The following DNASE1 variants were observed in gnomAD, a reference collection of about 807,000 sequenced individuals.
The protein encoded by DNASE1 is deoxyribonuclease-1.
Under a neutral mutation model 33.9 loss-of-function variants are expected in DNASE1, and 40 were observed. The observed-to-expected ratio is 1.18, with a 90% CI of 0.92 to 1.54. DNASE1 has a LOEUF of 1.54. Among genes scored for constraint, DNASE1 ranks in the 40% most tolerant of loss-of-function variants. The pLI is 0.00. For synonymous variants in DNASE1, 216 were observed against 160.0 expected, an observed-to-expected ratio of 1.35 and a Z score of -2.64; for missense variants, 518 against 372.6, an observed-to-expected ratio of 1.39 and a Z score of -3.21.
downstream of DNASE1, chr16:3,658,802 C>T (rs1567216146): frequency 1.2e-6 from 2 of 1,613,776 alleles, no homozygotes; most frequent in Admixed American, 1.7e-5. Flanking sequence ...CCTGATCCAC[C>T]AGCAGCTGAG....
rs531383190 is a variant in DNASE1, at chr16:3,626,093, CTA to C, written c.-1359+14089_-1359+14090del. On this transcript the variant is annotated intron_variant and NMD_transcript_variant, in intron 1 of 11. Coordinates refer to the DNASE1 transcript ENST00000570769. ...CCAGCCTGGGCAGCAGAGCAAGACT[CTA>C]TCTCAAAAAGGGTGTAAAGATACCA... 1.9e-3 allele frequency among the ~76,000 whole-genome samples: 284 copies of C among 151,972 alleles called. 2 individuals carry two copies. The highest frequency in any genetic ancestry group is 6.4e-3 in the African/African-American group (267 of 41,448).
chr16:3,624,119 A>G (rs1465175297), intron 1 of DNASE1, among the ~76,000 whole-genome samples: 2 of 152,052 alleles, frequency 1.3e-5, no homozygotes. Context: ...TCTACTAAAA[A>G]TACAAAAATC....
intron 1 of DNASE1, among the ~76,000 whole-genome samples, chr16:3,636,636 A>G (rs2041875542): frequency 6.6e-6 from 1 of 151,962 alleles, no homozygotes; most frequent in South Asian, 2.1e-4. Context: ...AGCCTGGGCA[A>G]CGTAGAGACC....
intron 1 of DNASE1, among the ~76,000 whole-genome samples, chr16:3,622,189 C>G (rs995226396): frequency 6.9e-6 from 1 of 144,464 alleles, no homozygotes; most frequent in Non-Finnish European, 1.5e-5. Context: ...CACTGTACTC[C>G]AGCCTAGGTG....
intron 7 of DNASE1, 140 bp downstream of exon 7, chr16:3,657,481 T>TAAC (rs2042752510): frequency 1.5e-6 from 2 of 1,311,952 alleles, no homozygotes; most frequent in Non-Finnish European, 2.1e-6. Context: ...GGGAACAGAA[T>TAAC]AACAAGAGCC....
exon 10 of DNASE1, chr16:3,663,475 C>T: frequency 6.2e-7 from 1 of 1,614,182 alleles, no homozygotes; most frequent in Non-Finnish European, 8.5e-7. Context: ...ACGACTATGT[C>T]CGTCTCCACA....
At chr16:3,660,770 A>C (rs895697474), downstream of DNASE1, 2 of 152,186 alleles carry the variant, frequency 1.3e-5, no homozygotes, top group East Asian at 1.9e-4. Context: ...AGAACAAAAC[A>C]AAAACTGGCT....
downstream of DNASE1, chr16:3,662,990 G>A: frequency 6.4e-7 from 1 of 1,571,220 alleles, no homozygotes; most frequent in Non-Finnish European, 8.6e-7. Flanking sequence ...AGGCGACAGG[G>A]AGCTCAGGCC....
chr16:3,633,992 A>G (rs2041788244), intron 1 of DNASE1, among the ~76,000 whole-genome samples: 2 of 150,872 alleles, frequency 1.3e-5, no homozygotes, highest in South Asian at 2.1e-4. Context: ...TTGTATTTTT[A>G]GTAGAGGCGG....
At chr16:3,620,284 A>G (rs2041260466) in intron 1 of DNASE1, among the ~76,000 whole-genome samples, 1 of 152,118 alleles carries the variant, frequency 6.6e-6, no homozygotes, top group Admixed American at 6.5e-5. Context: ...GAGTCACATC[A>G]TTCATCACAT....
intron 1 of DNASE1, among the ~76,000 whole-genome samples, chr16:3,635,582 C>G (rs1039928515): frequency 6.6e-6 from 1 of 151,370 alleles, no homozygotes; most frequent in South Asian, 2.1e-4. Context: ...CTTTCTCAAA[C>G]ACTTCTTAAT....
chr16:3,641,939 G>A (rs1202307203), upstream of DNASE1, among the ~76,000 whole-genome samples: 1 of 152,250 alleles, frequency 6.6e-6, no homozygotes, highest in Non-Finnish European at 1.5e-5. Context: ...AAAGGAGTGG[G>A]CAGAGTTGGA....
chr16:3,664,545 C>T, exon 10 of DNASE1: 1 of 1,410,090 alleles, frequency 7.1e-7, no homozygotes. Context: ...CCTCCGATGC[C>T]CATGGCCTCC....
chr16:3,638,104 A>AGTGTGTGTGTGTGT (rs58884007), upstream of DNASE1, among the ~76,000 whole-genome samples: 2 of 143,446 alleles, frequency 1.4e-5, no homozygotes, highest in Non-Finnish European at 3.1e-5. Context: ...AGTTTTTGTG[A>AGTGTGTGTGTGTGT]GTGTGTGTGT....
At chr16:3,651,846 G>A (rs1269000984), upstream of DNASE1, 1 of 152,350 alleles carries the variant, frequency 6.6e-6, no homozygotes, top group African/African-American at 2.4e-5. Context: ...ACAGAAAAGA[G>A]ATCCACGAGG....
At chr16:3,661,982 C>T (rs766252307), downstream of DNASE1, 28 of 1,598,112 alleles carry the variant, frequency 1.8e-5, no homozygotes, top group Non-Finnish European at 2.3e-5. Flanking sequence ...GGAGCGTGGC[C>T]TCACCTGGGG....
At chr16:3,632,394 T>C (rs1395636207) in intron 1 of DNASE1, among the ~76,000 whole-genome samples, 1 of 152,220 alleles carries the variant, frequency 6.6e-6, no homozygotes, top group African/African-American at 2.4e-5. Context: ...GATGCTCTGT[T>C]GTTAGGCGTA....
intron 1 of DNASE1, among the ~76,000 whole-genome samples, chr16:3,646,357 C>T (rs375915015): frequency 3.3e-5 from 5 of 152,204 alleles, no homozygotes; most frequent in Admixed American, 2.6e-4. Flanking sequence ...TCTTGGCCAC[C>T]GCTTCCTGGA....
At chr16:3,663,057 C>G, downstream of DNASE1, 1 of 979,468 alleles carries the variant, frequency 1.0e-6, no homozygotes, top group Non-Finnish European at 1.5e-6. Flanking sequence ...CAGCTCCCAC[C>G]TCCTCTCCCA....
Sources: gnomAD v4.1 joint callset for allele counts (sites outside exome capture counted in the v4.1 genomes callset) on GRCh38, gnomAD v4.1.1 for gene constraint, MANE v1.5 for transcripts, NCBI Gene and HGNC (gene_info 2026-07-23, HGNC 2026-07-21) for gene names.